The following C9orf85 variants were observed in gnomAD, a reference collection of about 807,000 sequenced individuals.
C9orf85 encodes the protein uncharacterized protein C9orf85.
Under a neutral mutation model 14.9 loss-of-function variants are expected in C9orf85, and 16 were observed. That is an observed-to-expected ratio of 1.08 (90% confidence interval 0.73 to 1.63). The LOEUF (loss-of-function observed/expected upper bound fraction) is 1.63. Among genes scored for constraint, C9orf85 ranks in the 40% most tolerant of loss-of-function variants. C9orf85 has a pLI of 0.00. For missense variants in C9orf85, 172 were observed against 186.1 expected (o/e 0.92, Z 0.44); for synonymous variants, 45 against 56.8 (o/e 0.79, Z 0.93).
chr9:71,971,472 A>G (rs1036662438), intron 2 of C9orf85, 33 bp from the exon 3 acceptor site: 1 of 1,277,670 alleles, frequency 7.8e-7, no homozygotes, highest in Admixed American at 2.0e-5. Context: ...TGAAATAAAC[A>G]TAAATAAGTT....
At chr9:71,922,331 A>G (rs916284417) in intron 1 of C9orf85, among the ~76,000 whole-genome samples, 2 of 151,912 alleles carry the variant, frequency 1.3e-5, no homozygotes, top group South Asian at 2.1e-4. Context: ...CAATTTTCCA[A>G]CCTTTCAATG....
intron 1 of C9orf85, among the ~76,000 whole-genome samples, chr9:71,913,630 A>G (rs1827573626): frequency 9.2e-5 from 14 of 152,250 alleles, no homozygotes. Context: ...AAGCTGCACT[A>G]TTCCAAATAG....
chr9:71,928,524 G>T (rs1026188391), intron 1 of C9orf85, among the ~76,000 whole-genome samples: 4 of 152,136 alleles, frequency 2.6e-5, no homozygotes, highest in Admixed American at 1.3e-4. Flanking sequence ...TCATGATACA[G>T]ACTGTACTTA....
At chr9:71,941,484 T>C (rs917809964) in intron 1 of C9orf85, among the ~76,000 whole-genome samples, 1 of 152,180 alleles carries the variant, frequency 6.6e-6, no homozygotes, top group African/African-American at 2.4e-5. Context: ...AAACTGGATA[T>C]AGTTAAGCCT....
chr9:71,946,387 T>TA (rs1279471767), intron 1 of C9orf85, among the ~76,000 whole-genome samples: 6 of 152,038 alleles, frequency 3.9e-5, no homozygotes, highest in Non-Finnish European at 8.8e-5. Flanking sequence ...TCTTTTCTAT[T>TA]ATTATGTTTT....
At chr9:71,963,756 G>A (rs1432761238) in intron 2 of C9orf85, among the ~76,000 whole-genome samples, 3 of 152,288 alleles carry the variant, frequency 2.0e-5, no homozygotes, top group Non-Finnish European at 1.5e-5. Flanking sequence ...ATTTCTCCCC[G>A]GGCCTTAGCT....
chr9:71,961,681 T>C (rs1158333773), intron 2 of C9orf85, among the ~76,000 whole-genome samples: 1 of 152,196 alleles, frequency 6.6e-6, no homozygotes, highest in Non-Finnish European at 1.5e-5. Flanking sequence ...ACTGTGGCTG[T>C]ATTGTCGTTT....
chr9:71,924,140 T>G (rs1827878092), intron 1 of C9orf85, among the ~76,000 whole-genome samples: 1 of 152,210 alleles, frequency 6.6e-6, no homozygotes, highest in Admixed American at 6.5e-5. Flanking sequence ...TTTCTAACAG[T>G]GATTAATTTG....
In C9orf85 at chr9:71,947,032, A is replaced by G. The variant is rs763705330; in HGVS notation, c.129A>G (p.Gly43=). 6.8e-6 allele frequency: 11 copies of G among 1,612,606 alleles called. No homozygotes were observed. The highest frequency in any genetic ancestry group is 9.3e-6 in the Non-Finnish European group (11 of 1,179,282). ...TKKINAKLHD[G]VCQRCKEVLE... is the part of the protein sequence containing the mutation. Reference sequence around the variant, plus strand: ...AAATTAATGCAAAACTTCATGATGGAGTATGTCAGCGCTGTAAAGAAGTTC... The same window carrying G: ...AAATTAATGCAAAACTTCATGATGGGGTATGTCAGCGCTGTAAAGAAGTTC... Residue 43 remains glycine, a synonymous_variant, in exon 2 of 4, where the codon GGA becomes GGG. Transcript: ENST00000334731.
intron 1 of C9orf85, among the ~76,000 whole-genome samples, chr9:71,926,802 T>C (rs1475577188): frequency 6.6e-6 from 1 of 151,730 alleles, no homozygotes; most frequent in Non-Finnish European, 1.5e-5. Context: ...GTCAAAAAGG[T>C]CAAAGTGATA....
intron 1 of C9orf85, among the ~76,000 whole-genome samples, chr9:71,945,015 T>C (rs1822048523): frequency 6.6e-6 from 1 of 152,062 alleles, no homozygotes; most frequent in Non-Finnish European, 1.5e-5. Flanking sequence ...TGGTCAGAAA[T>C]TGGATACAGA....
chr9:71,947,633 C>CT (rs527706380), intron 2 of C9orf85, among the ~76,000 whole-genome samples: 87 of 145,382 alleles, frequency 6.0e-4, no homozygotes, highest in Non-Finnish European at 6.1e-4. Flanking sequence ...TCCCTAAATC[C>CT]TTTTTTTTTT....
Position 71,911,644 on chromosome 9 carries a change from CAG to C in C9orf85, c.-89_-88del. 8.9e-7 allele frequency: 1 copy of C among 1,126,426 alleles called. No homozygotes were observed. Among genetic ancestry groups the C allele is most frequent in the Non-Finnish European group, 1.4e-6 (1 of 739,524 alleles). 69.8% of individuals were successfully genotyped at this position (1,126,426 alleles called of 1,614,324 possible). A position where few individuals can be genotyped will look rare whatever the true frequency, so the allele number is the denominator to read the frequency against. ...GCGTTTGTTTCTTCCGGGTCATTGA[CAG>C]AAGCGTCAATTCCTGGGAGTAGTTC... On this transcript the variant is annotated 5_prime_UTR_variant, in exon 1 of 4. Transcript: ENST00000334731.
At chr9:71,978,340 C>A, downstream of C9orf85, among the ~76,000 whole-genome samples, 1 of 152,068 alleles carries the variant, frequency 6.6e-6, no homozygotes, top group Admixed American at 6.6e-5. Flanking sequence ...AAACTCCTGA[C>A]CTTAGGTGAT....
chr9:71,956,742 A>G (rs2132328241), intron 2 of C9orf85, among the ~76,000 whole-genome samples: 1 of 152,018 alleles, frequency 6.6e-6, no homozygotes, highest in South Asian at 2.1e-4. Flanking sequence ...ACCTGGGGGA[A>G]AAAAAAATCT....
chr9:71,970,613 G>A (rs181289763), intron 2 of C9orf85, among the ~76,000 whole-genome samples: 49 of 152,200 alleles, frequency 3.2e-4, no homozygotes, highest in African/African-American at 1.2e-3. Flanking sequence ...GGTTTGTAGT[G>A]TGTTTTGAAA....
chr9:71,919,280 C>A (rs901568917), intron 1 of C9orf85, among the ~76,000 whole-genome samples: 4 of 152,142 alleles, frequency 2.6e-5, no homozygotes, highest in Non-Finnish European at 4.4e-5. Context: ...TTCATGTAAT[C>A]CCTGGTGTGA....
chr9:71,956,782 A>G (rs764439610), intron 2 of C9orf85, among the ~76,000 whole-genome samples: 4 of 152,172 alleles, frequency 2.6e-5, no homozygotes, highest in Non-Finnish European at 5.9e-5. Context: ...TATTTTAGAT[A>G]AGGGATTCTC....
At chr9:71,964,059 C>T (rs1368495638) in intron 2 of C9orf85, among the ~76,000 whole-genome samples, 1 of 152,130 alleles carries the variant, frequency 6.6e-6, no homozygotes, top group African/African-American at 2.4e-5. Flanking sequence ...GTAAATACAC[C>T]AATCAGCACC....
Sources: gnomAD v4.1 joint callset for allele counts (sites outside exome capture counted in the v4.1 genomes callset) on GRCh38, gnomAD v4.1.1 for gene constraint, MANE v1.5 for transcripts, NCBI Gene and HGNC (gene_info 2026-07-23, HGNC 2026-07-21) for gene names.